The following EPB41L5 variants were observed in gnomAD, a reference collection of about 807,000 sequenced individuals.
EPB41L5 encodes band 4.1-like protein 5.
A neutral mutation model predicts 106.6 loss-of-function variants in EPB41L5; 55 were observed. The observed-to-expected ratio is 0.52, with a 90% CI of 0.42 to 0.65. The LOEUF is 0.65. Ranked by LOEUF, EPB41L5 falls within the 30% of genes least tolerant of loss-of-function variation. The pLI, the probability that EPB41L5 is intolerant of heterozygous loss-of-function variation, is 0.00. For synonymous variants in EPB41L5, 297 were observed against 306.7 expected, an observed-to-expected ratio of 0.97 and a Z score of 0.33; for missense variants, 871 against 882.1, an observed-to-expected ratio of 0.99 and a Z score of 0.16.
chr2:120,065,872 C>T (rs1283152099), intron 3 of EPB41L5, among the ~76,000 whole-genome samples: 1 of 151,988 alleles, frequency 6.6e-6, no homozygotes, highest in Non-Finnish European at 1.5e-5. Flanking sequence ...TTTTTATATC[C>T]CTGAAAACTT....
chr2:120,024,509 T>C (rs1012360220), intron 2 of EPB41L5, among the ~76,000 whole-genome samples: 4 of 152,152 alleles, frequency 2.6e-5, no homozygotes, highest in Non-Finnish European at 5.9e-5. Flanking sequence ...CAGGCTGGAG[T>C]GCAGTGGCGT....
At chr2:120,070,015 A>G (rs1420683677) in intron 3 of EPB41L5, among the ~76,000 whole-genome samples, 2 of 152,198 alleles carry the variant, frequency 1.3e-5, no homozygotes, top group Non-Finnish European at 2.9e-5. Context: ...AAATCAATGA[A>G]TCCAGGAGCT....
At chr2:120,063,039 G>C (rs999796594) in intron 3 of EPB41L5, among the ~76,000 whole-genome samples, 4 of 151,966 alleles carry the variant, frequency 2.6e-5, no homozygotes, top group African/African-American at 9.7e-5. Context: ...ATACATGGTT[G>C]AACAAAATAA....
intron 3 of EPB41L5, among the ~76,000 whole-genome samples, chr2:120,057,227 G>A (rs762515864): frequency 3.9e-5 from 6 of 152,094 alleles, no homozygotes; most frequent in Non-Finnish European, 7.3e-5. Context: ...AGTAAAAGGG[G>A]TACTTAATGA....
intron 3 of EPB41L5, among the ~76,000 whole-genome samples, chr2:120,062,824 G>T (rs1681174039): frequency 7.5e-6 from 1 of 132,458 alleles, no homozygotes; most frequent in South Asian, 2.6e-4. Flanking sequence ...CTAGAGACTG[G>T]ATTTGAATTT....
intron 20 of EPB41L5, among the ~76,000 whole-genome samples, chr2:120,157,826 G>A (rs1686966841): frequency 6.6e-6 from 1 of 150,774 alleles, no homozygotes; most frequent in Non-Finnish European, 1.5e-5. Flanking sequence ...TCCAGGAGTT[G>A]CTTTTTTGAA....
At chr2:120,061,234 T>TA (rs1456240269) in intron 3 of EPB41L5, among the ~76,000 whole-genome samples, 10 of 147,962 alleles carry the variant, frequency 6.8e-5, no homozygotes, top group Admixed American at 1.3e-4. Flanking sequence ...TTTTATTTTT[T>TA]TTTTTTGAGA....
chr2:120,058,149 A>T (rs1397696043), intron 3 of EPB41L5, among the ~76,000 whole-genome samples: 1 of 152,092 alleles, frequency 6.6e-6, no homozygotes, highest in Admixed American at 6.6e-5. Flanking sequence ...CTTGCTACAT[A>T]CTTGTTATGT....
At chr2:120,061,227 TA>T (rs1414094079) in intron 3 of EPB41L5, among the ~76,000 whole-genome samples, 1 of 134,496 alleles carries the variant, frequency 7.4e-6, no homozygotes, top group African/African-American at 2.6e-5. Context: ...TTTTTTTTTT[TA>T]TTTTTTTTTT....
chr2:120,131,424 T>C (rs1013398316), intron 17 of EPB41L5, among the ~76,000 whole-genome samples, 194 bp from the exon 18 acceptor site: 1 of 152,176 alleles, frequency 6.6e-6, no homozygotes, highest in Non-Finnish European at 1.5e-5. Flanking sequence ...CTACTTAGGA[T>C]TAACTCTTAT....
chr2:120,168,801 G>C (rs1409402709), intron 24 of EPB41L5, among the ~76,000 whole-genome samples: 2 of 152,206 alleles, frequency 1.3e-5, no homozygotes, highest in Non-Finnish European at 2.9e-5. Flanking sequence ...TTGAATGTCT[G>C]TGATGTACCA....
At chr2:120,140,886 A>T (rs1174915437) in intron 18 of EPB41L5, among the ~76,000 whole-genome samples, 4 of 152,118 alleles carry the variant, frequency 2.6e-5, no homozygotes, top group Non-Finnish European at 5.9e-5. Context: ...ATGCAAATTA[A>T]TCTTAATGTT....
intron 20 of EPB41L5, among the ~76,000 whole-genome samples, chr2:120,159,423 CAAAAA>C (rs36001495): frequency 4.2e-5 from 4 of 95,216 alleles, no homozygotes; most frequent in African/African-American, 7.9e-5. Context: ...GACTCCATCT[CAAAAA>C]AAAAAAAAAA....
Position 120,029,006 on chromosome 2 carries a change from G to C in EPB41L5, c.180+9742G>C, listed in dbSNP as rs562022678. On this transcript the variant is annotated intron_variant, in intron 2 of 24. Transcript: ENST00000263713. The stretch of plus-strand genomic sequence containing the variant: ...CATAGTAGGTGCTTAATATTGATTA[G>C]TTTGTGGAAGTGCCTGAAGGGAAAA... Among the ~76,000 whole-genome samples, 7 of 152,240 alleles carry C rather than the reference G, an allele frequency of 4.6e-5. No homozygotes were observed. The East Asian group carries it at 1.3e-3, about 29-fold the overall frequency.
rs545092614 is a variant in EPB41L5 at position 120,136,649 on chromosome 2, CAAAG to C, written c.1599+4937_1599+4940del. Among the ~76,000 whole-genome samples the C allele has an allele frequency of 1.1e-3, 172 of 151,882 alleles. 1 individual carries two copies. The highest frequency in any genetic ancestry group is 1.9e-3 in the Non-Finnish European group (130 of 67,856). On this transcript the variant is annotated intron_variant, in intron 18 of 24. Transcript: ENST00000263713. ...TTTTGAGACAAAAACCATAAAAAGACAAAGAAGGTCATTATATATTGATAAATGG... is the reference window on the plus strand; with the variant it reads ...TTTTGAGACAAAAACCATAAAAAGACAAGGTCATTATATATTGATAAATGG...
chr2:120,163,979 A>ATTTTTTTT (rs1687268274), intron 21 of EPB41L5, among the ~76,000 whole-genome samples: 6 of 39,358 alleles, frequency 1.5e-4, no homozygotes, highest in Non-Finnish European at 2.5e-4. Flanking sequence ...TTTTGTATTT[A>ATTTTTTTT]CTTTTTTTTT....
chr2:120,046,025 A>G (rs1285544397), intron 3 of EPB41L5, among the ~76,000 whole-genome samples: 4 of 151,452 alleles, frequency 2.6e-5, no homozygotes, highest in African/African-American at 7.3e-5. Flanking sequence ...TCCTTGGTGT[A>G]TATGTGCCAC....
chr2:120,167,202 A>G (rs1396885446), intron 22 of EPB41L5, among the ~76,000 whole-genome samples: 3 of 152,258 alleles, frequency 2.0e-5, no homozygotes, highest in African/African-American at 7.2e-5. Flanking sequence ...AACTGAAAGT[A>G]GTAATAGATT....
chr2:120,173,798 T>G (rs1238301111), intron 24 of EPB41L5, among the ~76,000 whole-genome samples: 1 of 152,194 alleles, frequency 6.6e-6, no homozygotes, highest in East Asian at 1.9e-4. Flanking sequence ...CCCTCCTGCC[T>G]CAGCTTCCTG....
Sources: gnomAD v4.1 joint callset for allele counts (sites outside exome capture counted in the v4.1 genomes callset) on GRCh38, gnomAD v4.1.1 for gene constraint, MANE v1.5 for transcripts, NCBI Gene and HGNC (gene_info 2026-07-23, HGNC 2026-07-21) for gene names.